CDH13: variants seen among roughly 807,000 people sequenced by gnomAD.
CDH13 encodes the protein cadherin 13.
Under a neutral mutation model 63.8 loss-of-function variants are expected in CDH13, and 24 were observed. The ratio of observed to expected loss-of-function variants is 0.38; its 90% CI spans 0.27 to 0.53. The LOEUF (loss-of-function observed/expected upper bound fraction) is 0.53, where lower values mean the gene tolerates loss of function less well. Ranked by LOEUF, CDH13 falls within the 20% of genes least tolerant of loss-of-function variation. CDH13 has a pLI of 0.85. For synonymous variants in CDH13, 503 were observed against 355.3 expected (o/e 1.42, Z -4.67); for missense variants, 1,049 against 903.1 (o/e 1.16, Z -2.07).
chr16:83,043,284 A>G (rs1165225772), intron 3 of CDH13, among the ~76,000 whole-genome samples: 1 of 152,176 alleles, frequency 6.6e-6, no homozygotes, highest in Non-Finnish European at 1.5e-5. Context: ...TTCTTGGGGG[A>G]AAAACTGATC....
chr16:83,438,672 G>A (rs748170463), intron 6 of CDH13, among the ~76,000 whole-genome samples: 2 of 152,200 alleles, frequency 1.3e-5, no homozygotes, highest in South Asian at 4.1e-4. Flanking sequence ...CCTGTATATA[G>A]TACGTTCTTT....
chr16:83,071,961 G>C (rs944146408), intron 3 of CDH13, among the ~76,000 whole-genome samples: 6 of 151,984 alleles, frequency 3.9e-5, no homozygotes, highest in African/African-American at 1.5e-4. Flanking sequence ...ACGTCAAAGA[G>C]ACATATAATT....
rs1283290608 is a variant in CDH13, at chr16:82,880,083, T to C, written c.157+21610T>C. Among the ~76,000 whole-genome samples, 6 of 151,010 alleles carry C rather than the reference T, an allele frequency of 4.0e-5. No individual in the cohort carries two copies. In the East Asian group the frequency reaches 1.2e-3, roughly 29 times the overall value. On this transcript the variant is annotated intron_variant, in intron 2 of 13. Coordinates refer to ENST00000567109, the MANE Select transcript of CDH13 (RefSeq NM_001257.5). ...ACTATTTATGTAATCAGTATGTATA[T>C]ATATTATTTCAAACCTCACTTTGAG...
At chr16:83,709,422 T>G (rs1470711036) in intron 10 of CDH13, among the ~76,000 whole-genome samples, 1 of 152,218 alleles carries the variant, frequency 6.6e-6, no homozygotes, top group African/African-American at 2.4e-5. Context: ...TACGGTCCAT[T>G]CAGCATTCAT....
intron 5 of CDH13, among the ~76,000 whole-genome samples, chr16:83,266,595 C>T (rs1245666155): frequency 3.9e-5 from 6 of 152,218 alleles, no homozygotes; most frequent in African/African-American, 1.4e-4. Flanking sequence ...CCTCTTCACA[C>T]TCCAGGGAAT....
At chr16:82,993,898 G>A (rs1911921724) in intron 2 of CDH13, among the ~76,000 whole-genome samples, 1 of 152,142 alleles carries the variant, frequency 6.6e-6, no homozygotes, top group Non-Finnish European at 1.5e-5. Context: ...CAGAGAGGGG[G>A]CTGCAGAGGA....
chr16:83,457,912 T>A (rs1165711727), intron 6 of CDH13, among the ~76,000 whole-genome samples: 2 of 152,208 alleles, frequency 1.3e-5, no homozygotes, highest in African/African-American at 4.8e-5. Context: ...ATTTTGCTTT[T>A]CCAGCAGGCG....
At chr16:83,160,291 T>C (rs1198462211) in intron 4 of CDH13, among the ~76,000 whole-genome samples, 1 of 151,864 alleles carries the variant, frequency 6.6e-6, no homozygotes, top group Non-Finnish European at 1.5e-5. Context: ...AGGCAGGAGG[T>C]ATATGAGAAA....
At chr16:83,471,614 G>A (rs2073455460) in intron 6 of CDH13, among the ~76,000 whole-genome samples, 2 of 152,286 alleles carry the variant, frequency 1.3e-5, no homozygotes, top group South Asian at 2.1e-4. Flanking sequence ...TAACTGTGAA[G>A]CGACTTTTGC....
At chr16:83,471,464 T>C (rs927827384) in intron 6 of CDH13, among the ~76,000 whole-genome samples, 12 of 152,080 alleles carry the variant, frequency 7.9e-5, no homozygotes, top group Admixed American at 2.6e-4. Context: ...TTAGTACAGA[T>C]AGGGTTTTAC....
chr16:83,352,935 A>G (rs1411737571), intron 6 of CDH13, among the ~76,000 whole-genome samples: 3 of 152,238 alleles, frequency 2.0e-5, no homozygotes, highest in Non-Finnish European at 4.4e-5. Context: ...GGCTTTGGCA[A>G]CAATGTGGAT....
At chr16:83,434,464 T>C (rs1175667186) in intron 6 of CDH13, among the ~76,000 whole-genome samples, 1 of 151,970 alleles carries the variant, frequency 6.6e-6, no homozygotes, top group Non-Finnish European at 1.5e-5. Context: ...CTGCCACCTC[T>C]CTTCACCCCA....
At chr16:83,081,161 A>G (rs1044308362) in intron 3 of CDH13, among the ~76,000 whole-genome samples, 2 of 152,048 alleles carry the variant, frequency 1.3e-5, no homozygotes, top group Non-Finnish European at 2.9e-5. Context: ...GATTATAAGC[A>G]TGAGCCACCG....
intron 2 of CDH13, among the ~76,000 whole-genome samples, chr16:82,916,393 G>C (rs538183440): frequency 6.6e-6 from 1 of 152,118 alleles, no homozygotes; most frequent in African/African-American, 2.4e-5. Context: ...GGCCAACATC[G>C]TGAAACCCCG....
intron 8 of CDH13, among the ~76,000 whole-genome samples, chr16:83,660,929 GA>G (rs5818461): frequency 0.45 from 68,441 of 150,990 alleles, 16,251 homozygotes; most frequent in Non-Finnish European, 0.52. Flanking sequence ...TGAAATTGAA[GA>G]AAAAAAAATG....
chr16:82,980,405 A>AAGCT (rs1302633085), intron 2 of CDH13, among the ~76,000 whole-genome samples: 3 of 152,192 alleles, frequency 2.0e-5, no homozygotes. Flanking sequence ...GGGTAAACAG[A>AAGCT]AGCTATCCAG....
intron 6 of CDH13, among the ~76,000 whole-genome samples, chr16:83,411,342 T>A (rs1567654150): frequency 6.6e-6 from 1 of 152,200 alleles, no homozygotes; most frequent in African/African-American, 2.4e-5. Context: ...CTTTTCTTTC[T>A]TTTGAAGCAT....
rs1300249816 is a variant in CDH13 at position 83,089,418 on chromosome 16, G to GA, written c.367-35962dup. Among the ~76,000 whole-genome samples, 3 of 152,316 alleles carry GA rather than the reference G, an allele frequency of 2.0e-5. No homozygotes were observed. The East Asian group carries it at 5.8e-4, about 29-fold the overall frequency. ...TATCCATTAGGGCACAATAGTGAACGAAAAACTTGCTGCCATCAGAGAACT... is the reference window on the plus strand; with the variant it reads ...TATCCATTAGGGCACAATAGTGAACGAAAAAACTTGCTGCCATCAGAGAACT... On this transcript the variant is annotated intron_variant, in intron 3 of 13. Transcript: ENST00000567109.
intron 7 of CDH13, among the ~76,000 whole-genome samples, chr16:83,514,354 A>G (rs2074649666): frequency 6.6e-6 from 1 of 152,164 alleles, no homozygotes; most frequent in Non-Finnish European, 1.5e-5. Context: ...TCCTCATAAG[A>G]AGAGGAGGGC....
Sources: gnomAD v4.1 joint callset for allele counts (sites outside exome capture counted in the v4.1 genomes callset) on GRCh38, gnomAD v4.1.1 for gene constraint, MANE v1.5 for transcripts, NCBI Gene and HGNC (gene_info 2026-07-23, HGNC 2026-07-21) for gene names.